MLIP: variants seen among roughly 807,000 people sequenced by gnomAD.
The protein encoded by MLIP is muscular LMNA-interacting protein.
Under a neutral mutation model 84.8 loss-of-function variants are expected in MLIP, and 79 were observed. That is an observed-to-expected ratio of 0.93 (90% CI 0.78 to 1.12). The LOEUF is 1.12. Among genes scored for constraint, MLIP ranks in the 50% most tolerant of loss-of-function variants. The pLI is 0.00. For synonymous variants in MLIP, 504 were observed against 463.0 expected (o/e 1.09, Z -1.14); for missense variants, 1,257 against 1,160.6 (o/e 1.08, Z -1.21).
At chr6:54,109,920 TCTTTCTTCCTTCCTTCCTTC>T (rs1387348740), upstream of MLIP, among the ~76,000 whole-genome samples, 1 of 52,162 alleles carries the variant, frequency 1.9e-5, no homozygotes, top group South Asian at 1.1e-3. Flanking sequence ...TTTCTTTCTT[TCTTTCTTCCTTCCTTCCTTC>T]CTTCCTTCCT....
rs1766336642 is a variant in MLIP at position 54,068,753 on chromosome 6, T to G, written c.63+49662T>G. ...GAGATGGGATTTATATAATTTTCAT[T>G]TGATAGATGATATATTTGAGACTTA... On this transcript the variant is annotated intron_variant, in intron 1 of 12. Coordinates refer to the MLIP transcript ENST00000274897. 2.0e-5 allele frequency among the ~76,000 whole-genome samples: 2 copies of G among 100,882 alleles called. 1 individual carries two copies. 66.2% of individuals were successfully genotyped at this position (100,882 alleles called of 152,430 possible).
intron 1 of MLIP, among the ~76,000 whole-genome samples, chr6:54,083,058 A>G (rs993914874): frequency 2.0e-5 from 3 of 152,162 alleles, no homozygotes; most frequent in African/African-American, 7.2e-5. Context: ...TTCCTGGCAT[A>G]TCCACCAAAA....
chr6:54,046,571 T>C (rs1446620573), intron 1 of MLIP: 1 of 152,238 alleles, frequency 6.6e-6, no homozygotes, highest in Non-Finnish European at 1.5e-5. Flanking sequence ...ATTGCACAAC[T>C]GTTCCCTACA....
intron 12 of MLIP, among the ~76,000 whole-genome samples, chr6:54,241,761 T>C (rs932198897): frequency 6.6e-6 from 1 of 152,180 alleles, no homozygotes; most frequent in Non-Finnish European, 1.5e-5. Context: ...TAGCCTTTTT[T>C]CTAAGCAGCT....
intron 11 of MLIP, among the ~76,000 whole-genome samples, chr6:54,225,362 GGTAA>G (rs1344586055): frequency 3.9e-5 from 6 of 152,220 alleles, no homozygotes; most frequent in Admixed American, 3.9e-4. Context: ...GTCACACAGT[GGTAA>G]GTATTTGTGA....
chr6:54,215,847 C>G (rs1454718694), intron 11 of MLIP: 1 of 152,496 alleles, frequency 6.6e-6, no homozygotes, highest in Non-Finnish European at 1.5e-5. Flanking sequence ...CCATTCCAAC[C>G]CCTGGCAACC....
intron 1 of MLIP, among the ~76,000 whole-genome samples, chr6:54,050,461 T>C (rs1039259511): frequency 4.6e-5 from 7 of 152,182 alleles, no homozygotes; most frequent in South Asian, 2.1e-4. Flanking sequence ...ACAGCACATT[T>C]GAACATTATT....
intron 11 of MLIP, among the ~76,000 whole-genome samples, chr6:54,228,219 A>G (rs9464038): frequency 0.031 from 4,364 of 143,012 alleles, 282 homozygotes; most frequent in African/African-American, 0.11. Flanking sequence ...AAAAAAGAGA[A>G]AGAAAAAAGA....
chr6:54,211,472 C>G (rs1344308279), intron 11 of MLIP, among the ~76,000 whole-genome samples: 1 of 152,162 alleles, frequency 6.6e-6, no homozygotes, highest in Non-Finnish European at 1.5e-5. Context: ...TAGGCAGGAT[C>G]TGATGACTTG....
intron 1 of MLIP, among the ~76,000 whole-genome samples, chr6:54,081,393 AT>A (rs35719855): frequency 0.56 from 83,748 of 150,674 alleles, 25,515 homozygotes; most frequent in Non-Finnish European, 0.69. Context: ...GGGTCCACAT[AT>A]TTTTTTTTTG....
chr6:54,265,207 T>A (rs1188502321), intron 13 of MLIP, among the ~76,000 whole-genome samples: 2 of 152,164 alleles, frequency 1.3e-5, no homozygotes, highest in Non-Finnish European at 2.9e-5. Flanking sequence ...ATCAGAGACA[T>A]GTCTTAGAAC....
chr6:54,032,264 A>G (rs1764183655), intron 1 of MLIP: 1 of 152,178 alleles, frequency 6.6e-6, no homozygotes, highest in South Asian at 2.1e-4. Context: ...GATATCATGA[A>G]ATTCTTTACC....
chr6:54,132,302 T>A (rs1400366819), intron 3 of MLIP, among the ~76,000 whole-genome samples: 1 of 152,144 alleles, frequency 6.6e-6, no homozygotes, highest in Non-Finnish European at 1.5e-5. Flanking sequence ...TATGTTAGGA[T>A]CAGGGAGCTA....
intron 1 of MLIP, chr6:54,058,933 A>C (rs569905409): frequency 6.6e-6 from 1 of 152,338 alleles, no homozygotes; most frequent in Admixed American, 6.5e-5. Context: ...TTCTACTTCC[A>C]CTGTAGTAAA....
At chr6:54,222,366 C>A (rs188613133) in intron 11 of MLIP, among the ~76,000 whole-genome samples, 4 of 152,082 alleles carry the variant, frequency 2.6e-5, no homozygotes, top group Admixed American at 2.6e-4. Context: ...TTAACAGTGA[C>A]CCATTTTCCC....
At chr6:54,112,349 G>C (rs534945131) in intron 1 of MLIP, among the ~76,000 whole-genome samples, 296 of 152,282 alleles carry the variant, frequency 1.9e-3, no homozygotes, top group African/African-American at 6.6e-3. Context: ...TCTGAATGTT[G>C]CATTGCATAG....
intron 4 of MLIP, among the ~76,000 whole-genome samples, chr6:54,141,534 T>C (rs1353748231): frequency 6.6e-6 from 1 of 152,162 alleles, no homozygotes; most frequent in Non-Finnish European, 1.5e-5. Flanking sequence ...CTTGAACTTT[T>C]GACCACAAGT....
chr6:54,172,730 A>G (rs1775894782), intron 9 of MLIP, among the ~76,000 whole-genome samples: 1 of 151,476 alleles, frequency 6.6e-6, no homozygotes, highest in African/African-American at 2.4e-5. Flanking sequence ...AAAAAAATAA[A>G]CAAAGAAAAT....
chr6:54,078,850 T>A (rs552728976), intron 1 of MLIP, among the ~76,000 whole-genome samples: 1 of 152,032 alleles, frequency 6.6e-6, no homozygotes, highest in South Asian at 2.1e-4. Context: ...TGCCACCACA[T>A]GCAGCTAATT....
Sources: gnomAD v4.1 joint callset for allele counts (sites outside exome capture counted in the v4.1 genomes callset) on GRCh38, gnomAD v4.1.1 for gene constraint, MANE v1.5 for transcripts, NCBI Gene and HGNC (gene_info 2026-07-23, HGNC 2026-07-21) for gene names.